Variants in LIN28B observed in about 807,000 individuals in gnomAD.
The protein encoded by LIN28B is protein lin-28 homolog B.
A neutral mutation model predicts 21.9 loss-of-function variants in LIN28B; 5 were observed. That is an observed-to-expected ratio of 0.23 (90% confidence interval 0.12 to 0.48). The LOEUF is 0.48. Ranked by LOEUF, LIN28B falls within the 20% of genes least tolerant of loss-of-function variation. The pLI, the probability that LIN28B is intolerant of heterozygous loss-of-function variation, is 0.98. For missense variants in LIN28B, 245 were observed against 310.5 expected (o/e 0.79, Z 1.58); for synonymous variants, 109 against 111.3 (o/e 0.98, Z 0.13).
chr6:105,018,678 C>T (rs1771077419), intron 2 of LIN28B, among the ~76,000 whole-genome samples: 1 of 152,072 alleles, frequency 6.6e-6, no homozygotes, highest in Admixed American at 6.6e-5. Context: ...CTGTATTTCT[C>T]ATTTGTTTTT....
intron 3 of LIN28B, among the ~76,000 whole-genome samples, chr6:105,057,151 A>T (rs538704768): frequency 6.6e-6 from 1 of 152,304 alleles, no homozygotes; most frequent in African/African-American, 2.4e-5. Flanking sequence ...TTGGGGTTGC[A>T]TGTTGTTTTA....
At chr6:105,043,314 CAA>C (rs2114369487) in intron 3 of LIN28B, among the ~76,000 whole-genome samples, 1 of 115,432 alleles carries the variant, frequency 8.7e-6, no homozygotes, top group South Asian at 2.8e-4. Flanking sequence ...CCCAGCTGCT[CAA>C]GAGCAACAGA....
intron 2 of LIN28B, among the ~76,000 whole-genome samples, chr6:104,981,482 G>C (rs1451751343): frequency 6.6e-6 from 1 of 152,154 alleles, no homozygotes; most frequent in Non-Finnish European, 1.5e-5. Context: ...CTCTTCTTCT[G>C]TTCCTATCAC....
At chr6:105,072,207 G>A (rs994925234) in intron 3 of LIN28B, among the ~76,000 whole-genome samples, 13 of 151,978 alleles carry the variant, frequency 8.6e-5, no homozygotes, top group Non-Finnish European at 1.9e-4. Flanking sequence ...TAATCAAAAT[G>A]GAAGTGAAAT....
intron 3 of LIN28B, among the ~76,000 whole-genome samples, chr6:104,951,612 A>T (rs139489662): frequency 2.9e-4 from 44 of 152,208 alleles, no homozygotes; most frequent in Non-Finnish European, 5.0e-4. Flanking sequence ...TTGGGAAATA[A>T]TGTTAACACC....
intron 2 of LIN28B, among the ~76,000 whole-genome samples, chr6:104,987,623 A>G (rs2114261172): frequency 6.6e-6 from 1 of 152,172 alleles, no homozygotes; most frequent in African/African-American, 2.4e-5. Context: ...ACTGCACCCA[A>G]TCATTTTATA....
At chr6:105,040,907 C>A (rs149246) in intron 3 of LIN28B, among the ~76,000 whole-genome samples, 117,433 of 151,796 alleles carry the variant, frequency 0.77, 45,568 homozygotes, top group East Asian at 0.96. Context: ...TTATTTATTT[C>A]TTTTATTTTT....
chr6:104,958,671 G>C (rs932987708), intron 2 of LIN28B, among the ~76,000 whole-genome samples: 1 of 152,066 alleles, frequency 6.6e-6, no homozygotes, highest in Non-Finnish European at 1.5e-5. Flanking sequence ...AAAACAAAGC[G>C]AAACAGTTTG....
At chr6:104,984,916 A>G (rs1281358819) in intron 2 of LIN28B, among the ~76,000 whole-genome samples, 1 of 152,224 alleles carries the variant, frequency 6.6e-6, no homozygotes, top group African/African-American at 2.4e-5. Flanking sequence ...GATATGACAC[A>G]CTGTTAAATT....
rs531198808 is a variant in LIN28B at position 105,021,682 on chromosome 6, T to TTTG, written c.199-4610_199-4608dup. Reference sequence around the variant, plus strand: ...CTATTCATGTTCTTTGCTCACTATTTTTGTTGTTTGAGTTCCTTGTATATT... The same window carrying TTTG: ...CTATTCATGTTCTTTGCTCACTATTTTTGTTGTTGTTTGAGTTCCTTGTATATT... On this transcript the variant is annotated intron_variant, in intron 2 of 3. Coordinates refer to ENST00000345080, the MANE Select transcript of LIN28B (RefSeq NM_001004317.4). 3.1e-3 allele frequency among the ~76,000 whole-genome samples: 468 copies of TTTG among 152,292 alleles called. 5 individuals are homozygous for TTTG. Among genetic ancestry groups the TTTG allele is most frequent in the African/African-American group, 0.011 (447 of 41,562 alleles).
At chr6:104,960,376 A>G (rs1769708365) in intron 2 of LIN28B, among the ~76,000 whole-genome samples, 1 of 152,146 alleles carries the variant, frequency 6.6e-6, no homozygotes. Flanking sequence ...ATTCAAGACG[A>G]TTTCATAGAA....
At chr6:105,040,199 A>G (rs1487852924) in intron 3 of LIN28B, among the ~76,000 whole-genome samples, 1 of 152,162 alleles carries the variant, frequency 6.6e-6, no homozygotes, top group Non-Finnish European at 1.5e-5. Context: ...AAGTTAAAGC[A>G]TTCTTACATT....
chr6:104,983,134 C>T (rs1770260750), intron 2 of LIN28B, among the ~76,000 whole-genome samples: 1 of 152,082 alleles, frequency 6.6e-6, no homozygotes, highest in Admixed American at 6.6e-5. Flanking sequence ...TTTACAAAGC[C>T]AGAGACATAA....
intron 2 of LIN28B, among the ~76,000 whole-genome samples, chr6:104,942,101 CTAAA>C: frequency 6.6e-6 from 1 of 152,258 alleles, no homozygotes; most frequent in South Asian, 2.1e-4. Context: ...GTTCATGGAA[CTAAA>C]TTCTCCACTG....
chr6:104,956,672 G>T (rs542592718), upstream of LIN28B, among the ~76,000 whole-genome samples: 59 of 152,138 alleles, frequency 3.9e-4, no homozygotes, highest in African/African-American at 1.4e-3. Flanking sequence ...TTCCAAGCAG[G>T]TTTACTGCCA....
At position 105,026,409 on chromosome 6, in the gene LIN28B, G is replaced by A. The variant is rs1409533133; in HGVS notation, c.310G>A (p.Gly104Arg). 2 of 1,611,214 alleles carry A rather than the reference G, an allele frequency of 1.2e-6. No homozygotes were observed. The highest frequency in any genetic ancestry group is 1.7e-5 in the Admixed American group (1 of 59,730). The change falls in exon 3 of 4, where the codon GGG becomes AGG. Residue 104 changes from glycine (G) to arginine (R), a missense_variant. By Grantham distance (125) the Gly-to-Arg change is moderately radical (BLOSUM62 -2). Coordinates refer to ENST00000345080, the MANE Select transcript of LIN28B (RefSeq NM_001004317.4). The part of the protein sequence containing the change: ...LESIRVTGPG[G>R]SPCLGSERRP... ...GTCAATACGGGTAACAGGACCTGGTGGGAGCCCCTGTTTAGGAAGTGAAAG... is the reference window on the plus strand; with the variant it reads ...GTCAATACGGGTAACAGGACCTGGTAGGAGCCCCTGTTTAGGAAGTGAAAG...
intron 2 of LIN28B, among the ~76,000 whole-genome samples, chr6:104,965,870 G>C (rs770868806): frequency 3.3e-5 from 5 of 152,182 alleles, no homozygotes; most frequent in Non-Finnish European, 7.3e-5. Flanking sequence ...TAGGCCTGTT[G>C]TGATAATTTA....
At chr6:105,072,296 C>A (rs1462637628) in intron 3 of LIN28B, among the ~76,000 whole-genome samples, 2 of 152,026 alleles carry the variant, frequency 1.3e-5, no homozygotes, top group South Asian at 2.1e-4. Context: ...TTGTAGTTCC[C>A]AATTCATAGG....
chr6:104,960,806 A>T (rs1056088580), intron 2 of LIN28B, among the ~76,000 whole-genome samples: 1 of 152,168 alleles, frequency 6.6e-6, no homozygotes, highest in African/African-American at 2.4e-5. Context: ...GAGAATATAT[A>T]TATGTGTGTG....
Sources: allele counts gnomAD v4.1 joint callset (sites outside exome capture counted in the v4.1 genomes callset), GRCh38; gene constraint gnomAD v4.1.1; transcripts MANE v1.5; gene names NCBI Gene and HGNC (gene_info 2026-07-23, HGNC 2026-07-21).